The following RNF175 variants were observed in gnomAD, a reference collection of about 807,000 sequenced individuals.
The protein encoded by RNF175 is ring finger protein 175.
A neutral mutation model predicts 50.0 loss-of-function variants in RNF175; 38 were observed. The ratio of observed to expected loss-of-function variants is 0.76; its 90% CI spans 0.59 to 1.00. The LOEUF (loss-of-function observed/expected upper bound fraction) is 1.00, where lower values mean the gene tolerates loss of function less well. Ranked by LOEUF, RNF175 falls within the 50% of genes least tolerant of loss-of-function variation. The probability of loss-of-function intolerance (pLI) is 0.00; values close to 1 mark genes in which losing one functional copy is unlikely to be tolerated. For missense variants in RNF175, 388 were observed against 409.6 expected (o/e 0.95, Z 0.46); for synonymous variants, 155 against 146.1 (o/e 1.06, Z -0.44).
At chr4:153,718,401 C>T (rs898099559) in intron 6 of RNF175, among the ~76,000 whole-genome samples, 1 of 151,718 alleles carries the variant, frequency 6.6e-6, no homozygotes, top group South Asian at 2.1e-4. Flanking sequence ...CACACACACC[C>T]CTTATTAATC....
chr4:153,712,439 G>T, intron 8 of RNF175, 36 bp downstream of exon 8: 2 of 1,202,068 alleles, frequency 1.7e-6, no homozygotes, highest in Non-Finnish European at 2.4e-6. Context: ...AAACATTCAA[G>T]ATAATCTCTT....
At chr4:153,727,389 T>A (rs1738762511) in intron 4 of RNF175, among the ~76,000 whole-genome samples, 1 of 152,254 alleles carries the variant, frequency 6.6e-6, no homozygotes, top group South Asian at 2.1e-4. Flanking sequence ...TTTATCTGAT[T>A]TCTCATTGGA....
intron 6 of RNF175, among the ~76,000 whole-genome samples, chr4:153,719,468 G>C (rs562013553): frequency 6.6e-6 from 1 of 152,254 alleles, no homozygotes; most frequent in Admixed American, 6.5e-5. Flanking sequence ...AAACTACTAA[G>C]TCATCCCTAG....
intron 3 of RNF175, among the ~76,000 whole-genome samples, chr4:153,731,731 AT>A (rs1739051174): frequency 6.6e-6 from 1 of 152,180 alleles, no homozygotes; most frequent in Non-Finnish European, 1.5e-5. Flanking sequence ...AAAGAAAAAA[AT>A]AAATAAATTA....
chr4:153,750,905 T>TATGAGATTAATCTATTAATCTGTTAC (rs1740260831), intron 2 of RNF175, among the ~76,000 whole-genome samples: 1 of 152,256 alleles, frequency 6.6e-6, no homozygotes, highest in Non-Finnish European at 1.5e-5. Context: ...TAATCTGTTA[T>TATGAGATTAATCTATTAATCTGTTAC]ATGAGATTAA....
intron 2 of RNF175, among the ~76,000 whole-genome samples, chr4:153,750,146 CATT>C (rs1255651919): frequency 6.6e-6 from 1 of 152,142 alleles, no homozygotes; most frequent in East Asian, 1.9e-4. Flanking sequence ...TACTGGTTAT[CATT>C]ATCTTTCATC....
At chr4:153,732,931 TA>T (rs1424520704) in intron 3 of RNF175, among the ~76,000 whole-genome samples, 1 of 152,218 alleles carries the variant, frequency 6.6e-6, no homozygotes, top group Admixed American at 6.5e-5. Context: ...AACATCCAGG[TA>T]TTTAGTAGTA....
chr4:153,759,686 C>A, intron 1 of RNF175, 111 bp downstream of exon 1: 1 of 677,784 alleles, frequency 1.5e-6, no homozygotes, highest in Admixed American at 4.1e-5. Context: ...GCCGGTTCTC[C>A]CCGGTGGGGC....
At chr4:153,711,843 C>T (rs6535945) in intron 8 of RNF175, among the ~76,000 whole-genome samples, 147,578 of 152,272 alleles carry the variant, frequency 0.97, 71,641 homozygotes, top group East Asian at 1. Context: ...CTGTTGCACA[C>T]CTCTGATGTC....
At position 153,720,255 on chromosome 4, in the gene RNF175, C is replaced by A; in HGVS notation, c.559G>T (p.Gly187Cys). 1 of 1,612,976 alleles carries A rather than the reference C, an allele frequency of 6.2e-7. No homozygotes were observed. The highest frequency in any genetic ancestry group is 2.2e-5 in the East Asian group (1 of 44,852). ...CTCCCCATTACTCCATAGTAGAGGC[C>A]GTAGAACAAAGACACAATGCCAAAA... is the stretch of plus-strand genomic sequence containing the variant. ...MDFGIVSLFY[G>C]LYYGVMGRDF... The change falls in exon 6 of 9, where the codon GGC becomes TGC. Residue 187 changes from glycine to cysteine, a missense_variant. Gly to Cys is a radical substitution (Grantham distance 159). Transcript: ENST00000347063.
At chr4:153,715,907 C>CA (rs371437859) in intron 6 of RNF175, among the ~76,000 whole-genome samples, 30 of 151,674 alleles carry the variant, frequency 2.0e-4, no homozygotes, top group African/African-American at 6.5e-4. Flanking sequence ...ACTAAAAATA[C>CA]AAAAAAATTA....
At chr4:153,718,517 G>T (rs1315106737) in intron 6 of RNF175, among the ~76,000 whole-genome samples, 1 of 152,030 alleles carries the variant, frequency 6.6e-6, no homozygotes, top group African/African-American at 2.4e-5. Context: ...GGTCGGGTTG[G>T]ATCAGGTGAG....
At chr4:153,750,824 G>A (rs550684179) in intron 2 of RNF175, among the ~76,000 whole-genome samples, 4 of 151,672 alleles carry the variant, frequency 2.6e-5, no homozygotes, top group African/African-American at 9.6e-5. Flanking sequence ...ATAAAAGAGT[G>A]ACTTCATCAT....
At chr4:153,746,875 G>A (rs1740002662) in intron 3 of RNF175, among the ~76,000 whole-genome samples, 1 of 152,232 alleles carries the variant, frequency 6.6e-6, no homozygotes, top group African/African-American at 2.4e-5. Context: ...CTCACAGCAT[G>A]TGCCTACAGA....
At chr4:153,757,748 A>G (rs1740632632) in intron 1 of RNF175, among the ~76,000 whole-genome samples, 1 of 151,828 alleles carries the variant, frequency 6.6e-6, no homozygotes, top group Non-Finnish European at 1.5e-5. Context: ...TCCTAAACCC[A>G]TGGTCTCTGC....
chr4:153,759,815 G>T lies in RNF175; in HGVS notation c.48C>A (p.Ala16=), dbSNP rs988904609. 2 of 1,477,244 alleles carry T rather than the reference G, an allele frequency of 1.4e-6. No individual in the cohort carries two copies. The highest frequency in any genetic ancestry group is 2.3e-5 in the Admixed American group (1 of 42,704). The allele number at this position is 1,477,244 out of a possible 1,614,324, so 91.5% of individuals were successfully genotyped here. The change falls in exon 1 of 9, where the codon GCC becomes GCA. Residue 16 remains alanine (A), a synonymous_variant. Transcript: ENST00000347063. ...CCAGTACCTGCTCCTGCTGCGGGGG[G>T]GCCTCCAGCACCGGCGCTGCCTTCC... ...AARKAAPVLE[A]PPQQEQLSHT... is the part of the protein sequence containing the mutation.
chr4:153,736,006 T>C (rs906852488), intron 3 of RNF175, among the ~76,000 whole-genome samples: 3 of 152,256 alleles, frequency 2.0e-5, no homozygotes, highest in African/African-American at 7.2e-5. Context: ...CTGCACAATG[T>C]TGAATAGGAG....
At chr4:153,754,029 G>C (rs1281927428) in intron 1 of RNF175, among the ~76,000 whole-genome samples, 1 of 151,620 alleles carries the variant, frequency 6.6e-6, no homozygotes, top group African/African-American at 2.4e-5. Context: ...AATTAGCCTG[G>C]CGTGGTTGTA....
At chr4:153,732,090 G>C (rs1458449996) in intron 3 of RNF175, among the ~76,000 whole-genome samples, 1 of 152,042 alleles carries the variant, frequency 6.6e-6, no homozygotes, top group Non-Finnish European at 1.5e-5. Flanking sequence ...AAATTAGCTG[G>C]GCGAGGTGGC....
Sources: allele counts gnomAD v4.1 joint callset (sites outside exome capture counted in the v4.1 genomes callset), GRCh38; gene constraint gnomAD v4.1.1; transcripts MANE v1.5; gene names NCBI Gene and HGNC (gene_info 2026-07-23, HGNC 2026-07-21).